The following CDH13 variants were observed in gnomAD, a reference collection of about 807,000 sequenced individuals.
CDH13 encodes cadherin 13, also known as cadherin-13.
Under a neutral mutation model 63.8 loss-of-function variants are expected in CDH13, and 24 were observed. The ratio of observed to expected loss-of-function variants is 0.38; its 90% confidence interval spans 0.27 to 0.53. The LOEUF (loss-of-function observed/expected upper bound fraction) is 0.53. Among genes scored for constraint, CDH13 ranks in the 20% least tolerant of loss-of-function variants. CDH13 has a pLI of 0.85. For synonymous variants in CDH13, 503 were observed against 355.3 expected, an observed-to-expected ratio of 1.42 and a Z score of -4.67; for missense variants, 1,049 against 903.1, an observed-to-expected ratio of 1.16 and a Z score of -2.07.
chr16:82,846,408 C>T (rs538955982), intron 1 of CDH13, among the ~76,000 whole-genome samples: 15 of 152,138 alleles, frequency 9.9e-5, no homozygotes, highest in South Asian at 2.1e-4. Context: ...GCACATAACA[C>T]CTACTGTGAG....
At chr16:82,656,689 C>A (rs1054848519) in intron 1 of CDH13, among the ~76,000 whole-genome samples, 1 of 152,162 alleles carries the variant, frequency 6.6e-6, no homozygotes, top group African/African-American at 2.4e-5. Flanking sequence ...TATGATATCA[C>A]ACAGAATAGT....
rs923464630 is a variant in CDH13, at chr16:83,135,123, A to T, written c.483+9622A>T. Among the ~76,000 whole-genome samples the T allele has an allele frequency of 3.9e-5, 6 of 152,226 alleles. No individual in the cohort carries two copies. In the East Asian group the frequency reaches 1.2e-3, roughly 29 times the overall value. On this transcript the variant is annotated intron_variant, in intron 4 of 13. Transcript: ENST00000567109. ...ACTACCTAATGAATGTCTGGATCTAAGCCAAACATGGCTAACCCTACTGTC... is the reference window on the plus strand; with the variant it reads ...ACTACCTAATGAATGTCTGGATCTATGCCAAACATGGCTAACCCTACTGTC...
chr16:82,905,603 A>G, intron 2 of CDH13, among the ~76,000 whole-genome samples: 1 of 152,316 alleles, frequency 6.6e-6, no homozygotes, highest in African/African-American at 2.4e-5. Flanking sequence ...TCTCATACAA[A>G]TATAACATAA....
At chr16:82,857,581 G>T (rs1405606327) in intron 1 of CDH13, among the ~76,000 whole-genome samples, 3 of 152,170 alleles carry the variant, frequency 2.0e-5, no homozygotes, top group Admixed American at 1.3e-4. Flanking sequence ...TTGACCGCTG[G>T]ATGAAGTGTC....
At chr16:83,154,300 T>C (rs2037114949) in intron 4 of CDH13, among the ~76,000 whole-genome samples, 2 of 152,130 alleles carry the variant, frequency 1.3e-5, no homozygotes, top group South Asian at 4.1e-4. Flanking sequence ...CTCACATCTG[T>C]AATCCCAGCA....
chr16:82,896,753 T>C (rs1227785812), intron 2 of CDH13, among the ~76,000 whole-genome samples: 1 of 150,930 alleles, frequency 6.6e-6, no homozygotes, highest in Non-Finnish European at 1.5e-5. Flanking sequence ...GGAATTATTT[T>C]AGACTGCTGT....
intron 7 of CDH13, among the ~76,000 whole-genome samples, chr16:83,506,130 G>A (rs2074388925): frequency 6.6e-6 from 1 of 152,176 alleles, no homozygotes; most frequent in Non-Finnish European, 1.5e-5. Context: ...CCAGTCCAAG[G>A]GAGACCATCA....
chr16:83,044,301 T>C (rs1917586088), intron 3 of CDH13, among the ~76,000 whole-genome samples: 1 of 152,238 alleles, frequency 6.6e-6, no homozygotes, highest in Admixed American at 6.5e-5. Context: ...AATACTGACA[T>C]TTATGGCAGA....
intron 1 of CDH13, among the ~76,000 whole-genome samples, chr16:82,753,300 T>G (rs908037851): frequency 1.1e-4 from 16 of 152,292 alleles, no homozygotes; most frequent in African/African-American, 3.6e-4. Flanking sequence ...CATATCTCAC[T>G]TCATCTCAAA....
Position 82,639,511 on chromosome 16 carries a change from C to T in CDH13, c.45+12374C>T, listed in dbSNP as rs1019446892. On this transcript the variant is annotated intron_variant, in intron 1 of 13. Coordinates refer to ENST00000567109, the MANE Select transcript of CDH13 (RefSeq NM_001257.5). The stretch of plus-strand genomic sequence containing the variant: ...GTCGTGTGGCTGGATGGAATTCTTC[C>T]CTAGGGATGCTAAGAAACCCTGTTG... The T allele has an allele frequency of 9.3e-6, 12 of 1,292,484 alleles. No homozygotes were observed. The African/African-American group carries it at 1.3e-4, about 14-fold the overall frequency. 80.1% of individuals were successfully genotyped at this position (1,292,484 alleles called of 1,614,324 possible).
intron 13 of CDH13, chr16:83,790,157 C>T (rs1801737463): frequency 1.3e-5 from 2 of 152,178 alleles, no homozygotes; most frequent in Admixed American, 1.3e-4. Flanking sequence ...TCAGAAAGGT[C>T]TCCAGGTGAG....
At chr16:83,537,626 A>G (rs1253703464) in intron 7 of CDH13, among the ~76,000 whole-genome samples, 1 of 141,644 alleles carries the variant, frequency 7.1e-6, no homozygotes, top group Non-Finnish European at 1.5e-5. Context: ...GAAGCTTCTT[A>G]GACATTATTT....
intron 1 of CDH13, among the ~76,000 whole-genome samples, chr16:82,733,053 A>C (rs1257615449): frequency 2.6e-5 from 4 of 152,230 alleles, no homozygotes; most frequent in South Asian, 2.1e-4. Flanking sequence ...TTCCACAGGC[A>C]TACTCTGCAA....
intron 1 of CDH13, among the ~76,000 whole-genome samples, chr16:82,761,739 G>A (rs367704661): frequency 9.8e-5 from 15 of 152,310 alleles, no homozygotes; most frequent in African/African-American, 2.9e-4. Context: ...TTGTGATGAG[G>A]AGAATTTGAC....
intron 2 of CDH13, among the ~76,000 whole-genome samples, chr16:83,031,390 A>G (rs1472213862): frequency 7.1e-6 from 1 of 140,842 alleles, no homozygotes; most frequent in African/African-American, 2.7e-5. Flanking sequence ...ACGTATATGT[A>G]TATACATATA....
intron 2 of CDH13, among the ~76,000 whole-genome samples, chr16:82,974,054 C>G (rs1909157090): frequency 6.6e-6 from 1 of 152,082 alleles, no homozygotes; most frequent in Non-Finnish European, 1.5e-5. Flanking sequence ...CAAGTAATCC[C>G]TGGGATTACG....
chr16:82,842,856 C>T lies in CDH13; in HGVS notation c.46-15506C>T, dbSNP rs139875364. On this transcript the variant is annotated intron_variant, in intron 1 of 13. Coordinates refer to ENST00000567109, the MANE Select transcript of CDH13 (RefSeq NM_001257.5). ...GACAGATCATCAGGCATTAGATTTT[C>T]TGAAGGAGCATGCAACCTAGATCCG... Among the ~76,000 whole-genome samples, 454 of 152,224 alleles carry T rather than the reference C, an allele frequency of 3.0e-3. 4 individuals carry two copies. The highest frequency in any genetic ancestry group is 0.01 in the African/African-American group (433 of 41,532).
chr16:82,720,427 G>T (rs1056471026), intron 1 of CDH13, among the ~76,000 whole-genome samples: 1 of 152,056 alleles, frequency 6.6e-6, no homozygotes, highest in East Asian at 1.9e-4. Flanking sequence ...ATAGTTTAGG[G>T]TCTTGGGTGG....
chr16:83,598,026 C>A (rs1907437703), intron 7 of CDH13, among the ~76,000 whole-genome samples: 1 of 152,112 alleles, frequency 6.6e-6, no homozygotes, highest in Non-Finnish European at 1.5e-5. Flanking sequence ...GACATTTAGA[C>A]AAGAAGTTCA....
Sources: allele counts gnomAD v4.1 joint callset (sites outside exome capture counted in the v4.1 genomes callset), GRCh38; gene constraint gnomAD v4.1.1; transcripts MANE v1.5; gene names NCBI Gene and HGNC (gene_info 2026-07-23, HGNC 2026-07-21).